CD44: variants seen among roughly 807,000 people sequenced by gnomAD.
CD44 encodes CD44 antigen.
Under a neutral mutation model 88.8 loss-of-function variants are expected in CD44, and 49 were observed. The observed-to-expected ratio is 0.55, with a 90% CI of 0.44 to 0.70. The LOEUF (loss-of-function observed/expected upper bound fraction) is 0.70. CD44 is among the 30% of genes least tolerant of loss of function. CD44 has a pLI of 0.00. For synonymous variants in CD44, 325 were observed against 312.3 expected, an observed-to-expected ratio of 1.04 and a Z score of -0.43; for missense variants, 883 against 913.8, an observed-to-expected ratio of 0.97 and a Z score of 0.43.
At chr11:35,195,203 A>C (rs1946621261) in intron 5 of CD44, among the ~76,000 whole-genome samples, 1 of 152,192 alleles carries the variant, frequency 6.6e-6, no homozygotes, top group Admixed American at 6.5e-5. Flanking sequence ...TCATTTATTA[A>C]CTTTCATTGA....
At chr11:35,152,674 A>G (rs1024484014) in intron 1 of CD44, among the ~76,000 whole-genome samples, 3 of 152,032 alleles carry the variant, frequency 2.0e-5, no homozygotes, top group Non-Finnish European at 4.4e-5. Flanking sequence ...GTTGACCCCA[A>G]TCATTGAAAC....
chr11:35,155,133 T>C (rs936125663), intron 1 of CD44, among the ~76,000 whole-genome samples: 14 of 152,246 alleles, frequency 9.2e-5, no homozygotes, highest in African/African-American at 3.4e-4. Flanking sequence ...TTATTTCTCA[T>C]TGGATGAATG....
At chr11:35,210,189 T>C (rs1323880944) in intron 13 of CD44, 135 bp downstream of exon 13, 19 of 537,810 alleles carry the variant, frequency 3.5e-5, no homozygotes, top group Non-Finnish European at 5.2e-5. Context: ...AAGGTGCGTC[T>C]GGTGGTGGTT....
chr11:35,174,176 G>A (rs1334872143), intron 1 of CD44, among the ~76,000 whole-genome samples: 1 of 152,162 alleles, frequency 6.6e-6, no homozygotes, highest in Admixed American at 6.5e-5. Context: ...GAGACTATAG[G>A]CTCTAGATAG....
intron 1 of CD44, among the ~76,000 whole-genome samples, chr11:35,167,877 A>G (rs1943469833): frequency 6.6e-6 from 1 of 152,232 alleles, no homozygotes. Flanking sequence ...GAGAGCATTC[A>G]GGCTGTAAAG....
chr11:35,206,145 G>C lies in CD44; in HGVS notation c.1316G>C (p.Gly439Ala). 6.2e-7 allele frequency: 1 copy of C among 1,611,278 alleles called. No individual in the cohort carries two copies. Among genetic ancestry groups the C allele is most frequent in the Non-Finnish European group, 8.5e-7 (1 of 1,178,666 alleles). ...GCTCATACCAGCCATCCAATGCAAG[G>C]AAGGACAACACCAAGCCCAGAGGAC... ...ASAHTSHPMQGRTTPSPEDSS... is the reference protein window; with the variant it reads ...ASAHTSHPMQARTTPSPEDSS... Residue 439 changes from glycine to alanine, a missense_variant, in exon 11 of 18, where the codon GGA becomes GCA. Transcript: ENST00000428726.
intron 15 of CD44, 53 bp downstream of exon 15, chr11:35,214,967 A>G: frequency 8.8e-7 from 1 of 1,139,760 alleles, no homozygotes; most frequent in Non-Finnish European, 1.2e-6. Context: ...GAGCCTAATG[A>G]TGACTACCAA....
intron 3 of CD44, among the ~76,000 whole-genome samples, chr11:35,184,816 G>A (rs997670568): frequency 2.6e-5 from 4 of 152,130 alleles, no homozygotes; most frequent in African/African-American, 9.7e-5. Context: ...TACCATTTAA[G>A]GATAATCTAA....
rs764014928 is a variant in CD44, at chr11:35,221,772, A to T, written c.2024+40A>T. The T allele has an allele frequency of 2.6e-6, 4 of 1,548,424 alleles. No homozygotes were observed. In the South Asian group the frequency reaches 4.5e-5, roughly 17 times the overall value. On this transcript the variant is annotated intron_variant, in intron 17 of 17. Transcript: ENST00000428726. ...TGGGGGCTTTCAACTTGGAAAGGGCATCATTTAAACCTGGGCTTTATATCC... is the reference window on the plus strand; with the variant it reads ...TGGGGGCTTTCAACTTGGAAAGGGCTTCATTTAAACCTGGGCTTTATATCC...
intron 9 of CD44, 69 bp downstream of exon 9, chr11:35,201,856 A>AT: frequency 6.5e-7 from 1 of 1,530,982 alleles, no homozygotes; most frequent in Non-Finnish European, 8.9e-7. Context: ...AATAGGGAAG[A>AT]TTTTGTTTAG....
intron 1 of CD44, among the ~76,000 whole-genome samples, chr11:35,175,908 C>T (rs534867114): frequency 2.7e-5 from 4 of 149,716 alleles, no homozygotes; most frequent in African/African-American, 9.8e-5. Context: ...CTCTGTCACC[C>T]AGGCTGGAGT....
chr11:35,222,772 A>T, intron 17 of CD44: 1 of 983,824 alleles, frequency 1.0e-6, no homozygotes, highest in African/African-American at 1.7e-5. Context: ...AATTCATAGG[A>T]ATATTAAGCC....
rs751144688 is a variant in CD44, at chr11:35,206,195, C to T, written c.1366C>T (p.Pro456Ser). ...EDSSWTDFFN[P>S]ISHPMGRGHQ... ...CAGTTCCTGGACTGATTTCTTCAAC[C>T]CAATCTCACACCCCATGGGACGAGG... The change falls in exon 11 of 18, where the codon CCA (proline) becomes TCA (serine). Residue 456 changes from proline (P) to serine (S), a missense_variant. Around this residue, in one of 2 missense-constraint regions of CD44, gnomAD observed 631 missense variants for 590.9 expected, o/e 1.07. Coordinates refer to ENST00000428726, the MANE Select transcript of CD44 (RefSeq NM_000610.4). 1 of 1,612,544 alleles carries T rather than the reference C, an allele frequency of 6.2e-7. No homozygotes were observed. Among genetic ancestry groups the T allele is most frequent in the African/African-American group, 1.3e-5 (1 of 74,872 alleles).
rs115740397 is a variant in CD44 at position 35,148,141 on chromosome 11, A to G, written c.67+8771A>G. On this transcript the variant is annotated intron_variant, in intron 1 of 17. Coordinates refer to ENST00000428726, the MANE Select transcript of CD44 (RefSeq NM_000610.4). ...AAATGAACAATTCCATGCAGCCAAC[A>G]CCTGGTCTCCTGCGTTTGGCTTAGA... Among the ~76,000 whole-genome samples the G allele has an allele frequency of 6.1e-3, 925 of 151,888 alleles. 6 individuals are homozygous for G. Among genetic ancestry groups the G allele is most frequent in the African/African-American group, 0.021 (887 of 41,466 alleles).
intron 15 of CD44, among the ~76,000 whole-genome samples, chr11:35,218,058 G>A (rs902060747): frequency 8.5e-5 from 13 of 152,162 alleles, no homozygotes; most frequent in African/African-American, 2.9e-4. Context: ...AAAGTGCTGG[G>A]ATTACAGGTG....
intron 5 of CD44, among the ~76,000 whole-genome samples, chr11:35,191,455 G>A (rs542386141): frequency 6.6e-5 from 10 of 152,248 alleles, no homozygotes; most frequent in East Asian, 3.9e-4. Context: ...TGGTAGTCCC[G>A]TGGGCAACCC....
intron 11 of CD44, among the ~76,000 whole-genome samples, chr11:35,206,856 G>A (rs925407680): frequency 2.0e-5 from 3 of 152,224 alleles, no homozygotes; most frequent in African/African-American, 7.2e-5. Flanking sequence ...ACATGAGTTT[G>A]CACATGGCAG....
At chr11:35,191,258 A>C (rs1349190052) in intron 5 of CD44, among the ~76,000 whole-genome samples, 2 of 152,168 alleles carry the variant, frequency 1.3e-5, no homozygotes, top group Non-Finnish European at 2.9e-5. Flanking sequence ...CTGTGATTTC[A>C]TTTAAGGTCA....
intron 17 of CD44, among the ~76,000 whole-genome samples, chr11:35,223,594 C>T (rs903003742): frequency 2.6e-5 from 4 of 152,160 alleles, no homozygotes; most frequent in Non-Finnish European, 4.4e-5. Flanking sequence ...CCAAGACCAG[C>T]AGTCACCCTG....
Sources: allele counts gnomAD v4.1 joint callset (sites outside exome capture counted in the v4.1 genomes callset), GRCh38; gene constraint gnomAD v4.1.1; regional missense constraint gnomAD v4.1.1; transcripts MANE v1.5; gene names NCBI Gene and HGNC (gene_info 2026-07-23, HGNC 2026-07-21).